The following UNC13C variants were observed in gnomAD, a reference collection of about 807,000 sequenced individuals.
UNC13C encodes the protein protein unc-13 homolog C.
A neutral mutation model predicts 245.4 loss-of-function variants in UNC13C; 174 were observed. That is an observed-to-expected ratio of 0.71 (90% CI 0.63 to 0.80). The LOEUF is 0.80. Among genes scored for constraint, UNC13C ranks in the 30% least tolerant of loss-of-function variants. UNC13C has a pLI of 0.00. For missense variants in UNC13C, 2,829 were observed against 2,602.9 expected, an observed-to-expected ratio of 1.09 and a Z score of -1.89; for synonymous variants, 992 against 895.1, an observed-to-expected ratio of 1.11 and a Z score of -1.93.
At chr15:54,553,927 A>G (rs1214741191) in intron 28 of UNC13C, among the ~76,000 whole-genome samples, 1 of 151,970 alleles carries the variant, frequency 6.6e-6, no homozygotes, top group Non-Finnish European at 1.5e-5. Flanking sequence ...AAACATTTCT[A>G]TTACTCTTTG....
chr15:54,561,395 C>T (rs1249173348), intron 29 of UNC13C, among the ~76,000 whole-genome samples: 1 of 151,916 alleles, frequency 6.6e-6, no homozygotes, highest in Non-Finnish European at 1.5e-5. Flanking sequence ...ATGTGATCAA[C>T]CAGTATGGAC....
intron 20 of UNC13C, among the ~76,000 whole-genome samples, chr15:54,495,784 G>T (rs369958324): frequency 6.6e-6 from 1 of 151,940 alleles, no homozygotes; most frequent in Non-Finnish European, 1.5e-5. Context: ...GACAAGGAAT[G>T]GGGGGCAGAG....
At chr15:54,220,111 A>G (rs1358369224) in intron 4 of UNC13C, among the ~76,000 whole-genome samples, 1 of 150,204 alleles carries the variant, frequency 6.7e-6, no homozygotes, top group East Asian at 1.9e-4. Flanking sequence ...TACCCAAAGG[A>G]CTATAAATCA....
At chr15:54,203,239 C>G (rs2034578528) in intron 4 of UNC13C, among the ~76,000 whole-genome samples, 1 of 151,612 alleles carries the variant, frequency 6.6e-6, no homozygotes, top group Admixed American at 6.6e-5. Context: ...GGAATGTAAA[C>G]TAGTACAACC....
rs183540105 is a variant in UNC13C, at chr15:54,408,663, A to G, written c.4848-6319A>G. On this transcript the variant is annotated intron_variant, in intron 18 of 32. Coordinates refer to ENST00000260323, the MANE Select transcript of UNC13C (RefSeq NM_001080534.3). The stretch of plus-strand genomic sequence containing the variant: ...TTTATTTATCATTTCTGTGAAGTAA[A>G]TCAGTAAAAATTAAAAGCGTGACTC... Among the ~76,000 whole-genome samples, 4 of 152,210 alleles carry G rather than the reference A, an allele frequency of 2.6e-5. No homozygotes were observed. In the East Asian group the frequency reaches 7.7e-4, roughly 29 times the overall value.
intron 2 of UNC13C, among the ~76,000 whole-genome samples, chr15:54,074,533 T>A (rs1021746047): frequency 1.3e-5 from 2 of 152,228 alleles, no homozygotes; most frequent in Non-Finnish European, 2.9e-5. Flanking sequence ...TACATTTGTT[T>A]GTGTCCTCCT....
intron 1 of UNC13C, among the ~76,000 whole-genome samples, chr15:53,982,172 C>T (rs1256735606): frequency 6.6e-6 from 1 of 152,078 alleles, no homozygotes; most frequent in African/African-American, 2.4e-5. Flanking sequence ...CATCTTCAGC[C>T]TGTCTTTTGC....
At chr15:54,139,905 A>T (rs2031930611) in intron 2 of UNC13C, among the ~76,000 whole-genome samples, 1 of 152,164 alleles carries the variant, frequency 6.6e-6, no homozygotes, top group Non-Finnish European at 1.5e-5. Flanking sequence ...AATATTATAG[A>T]TACTTAACCT....
intron 2 of UNC13C, among the ~76,000 whole-genome samples, chr15:54,132,231 T>G (rs897987773): frequency 6.6e-6 from 1 of 151,818 alleles, no homozygotes; most frequent in South Asian, 2.1e-4. Flanking sequence ...CCACCACACC[T>G]GGCTAATTTT....
chr15:54,562,207 A>T (rs763892985), intron 29 of UNC13C, among the ~76,000 whole-genome samples: 1 of 151,906 alleles, frequency 6.6e-6, no homozygotes, highest in Non-Finnish European at 1.5e-5. Flanking sequence ...ATTGGAAAGA[A>T]CTCCAGCATT....
intron 8 of UNC13C, among the ~76,000 whole-genome samples, chr15:54,263,077 T>C (rs2036467249): frequency 6.6e-6 from 1 of 152,184 alleles, no homozygotes; most frequent in Non-Finnish European, 1.5e-5. Context: ...TATGAGATAT[T>C]AGTATGCCTA....
At chr15:54,536,400 A>T (rs1895982739) in intron 26 of UNC13C, among the ~76,000 whole-genome samples, 1 of 152,198 alleles carries the variant, frequency 6.6e-6, no homozygotes, top group African/African-American at 2.4e-5. Flanking sequence ...ATTTTATGAG[A>T]TGCGTAAAAA....
chr15:54,100,105 CAAAAAAA>C (rs56058415), intron 2 of UNC13C, among the ~76,000 whole-genome samples: 2 of 111,876 alleles, frequency 1.8e-5, no homozygotes, highest in Non-Finnish European at 1.8e-5. Context: ...TACTCTGTCT[CAAAAAAA>C]AAAAAAAAAA....
At chr15:54,435,127 T>G (rs1178708240) in intron 19 of UNC13C, among the ~76,000 whole-genome samples, 1 of 152,164 alleles carries the variant, frequency 6.6e-6, no homozygotes. Flanking sequence ...TTTACACTGT[T>G]GGTGAGAGTT....
At chr15:53,954,263 G>A in the UNC13C span, among the ~76,000 whole-genome samples, 50,171 of 152,022 alleles carry the variant, frequency 0.33, 8,289 homozygotes, top group African/African-American at 0.35. Context: ...GTGACACAAT[G>A]TTTTCTCTAT....
At chr15:54,310,463 A>G (rs1246647287) in intron 13 of UNC13C, among the ~76,000 whole-genome samples, 3 of 151,940 alleles carry the variant, frequency 2.0e-5, no homozygotes, top group South Asian at 2.1e-4. Flanking sequence ...CCTGGCTGCA[A>G]TAGAATCAAA....
chr15:54,609,936 C>A (rs906640450), intron 30 of UNC13C, among the ~76,000 whole-genome samples: 2 of 152,036 alleles, frequency 1.3e-5, no homozygotes, highest in Non-Finnish European at 2.9e-5. Context: ...CTTATAAAAC[C>A]ATCAGATCTC....
intron 4 of UNC13C, among the ~76,000 whole-genome samples, chr15:54,208,921 C>T (rs943583020): frequency 6.6e-6 from 1 of 152,062 alleles, no homozygotes; most frequent in Non-Finnish European, 1.5e-5. Context: ...ACGCAAGAAC[C>T]CTTCCTCTGT....
chr15:54,534,607 T>A (rs1895907060), intron 26 of UNC13C, among the ~76,000 whole-genome samples: 1 of 151,896 alleles, frequency 6.6e-6, no homozygotes, highest in Non-Finnish European at 1.5e-5. Context: ...AAATGACAGA[T>A]AAAGAATTTG....
Sources: gnomAD v4.1 joint callset for allele counts (sites outside exome capture counted in the v4.1 genomes callset) on GRCh38, gnomAD v4.1.1 for gene constraint, MANE v1.5 for transcripts, NCBI Gene and HGNC (gene_info 2026-07-23, HGNC 2026-07-21) for gene names.